PRIM2: variants seen among roughly 807,000 people sequenced by gnomAD.
PRIM2 encodes the protein DNA primase subunit 2.
PRIM2 carries 39 observed loss-of-function variants against 67.3 expected under a neutral mutation model. That is an observed-to-expected ratio of 0.58 (90% CI 0.45 to 0.76). PRIM2 has a LOEUF of 0.76. PRIM2 is among the 30% of genes least tolerant of loss of function. The pLI, the probability that PRIM2 is intolerant of heterozygous loss-of-function variation, is 0.00. For synonymous variants in PRIM2, 143 were observed against 198.7 expected, an observed-to-expected ratio of 0.72 and a Z score of 2.36; for missense variants, 398 against 598.7, an observed-to-expected ratio of 0.66 and a Z score of 3.50.
chr6:57,312,439 C>T (rs1767407632), upstream of PRIM2, among the ~76,000 whole-genome samples: 1 of 151,876 alleles, frequency 6.6e-6, no homozygotes, highest in Non-Finnish European at 1.5e-5. Context: ...GAGGTGGAGG[C>T]TGCAGTGGGC....
chr6:57,399,382 A>G (rs1770629267), intron 7 of PRIM2, among the ~76,000 whole-genome samples: 3 of 152,196 alleles, frequency 2.0e-5, no homozygotes, highest in South Asian at 4.1e-4. Context: ...TTCCTTTTTT[A>G]TGGCTGCAAA....
chr6:57,289,366 G>T, the PRIM2 span, among the ~76,000 whole-genome samples: 1 of 152,190 alleles, frequency 6.6e-6, no homozygotes, highest in African/African-American at 2.4e-5. Context: ...ATGGATCCAA[G>T]TAAGAAAACA....
chr6:57,538,388 C>G (rs1370415363), intron 10 of PRIM2, among the ~76,000 whole-genome samples: 1 of 152,032 alleles, frequency 6.6e-6, no homozygotes, highest in Non-Finnish European at 1.5e-5. Context: ...TTTTAAAAAC[C>G]CTATCTGCAG....
In PRIM2 at chr6:57,638,245, T is replaced by C. The variant is rs1304090177; in HGVS notation, c.1299+6044T>C. Among the ~76,000 whole-genome samples the C allele has an allele frequency of 3.3e-5, 5 of 152,082 alleles. No homozygotes were observed. The East Asian group carries it at 7.7e-4, about 23-fold the overall frequency. On this transcript the variant is annotated intron_variant, in intron 13 of 13. Coordinates refer to ENST00000615550, the MANE Select transcript of PRIM2 (RefSeq NM_000947.5). ...AGGCCTGCCTTACAAGAGCTCCTAA[T>C]GGAGGCACTAAATATGGAAAGGAAC...
the PRIM2 span, among the ~76,000 whole-genome samples, chr6:57,236,212 G>C: frequency 1.3e-5 from 2 of 151,950 alleles, no homozygotes; most frequent in African/African-American, 4.8e-5. Context: ...AGATACCTGG[G>C]AGTCATTCTT....
intron 12 of PRIM2, among the ~76,000 whole-genome samples, chr6:57,616,337 A>G: frequency 6.6e-6 from 1 of 152,180 alleles, no homozygotes; most frequent in South Asian, 2.1e-4. Context: ...ACTGCTCAGA[A>G]CCATAGAACT....
intron 7 of PRIM2, among the ~76,000 whole-genome samples, chr6:57,469,367 A>C (rs1309643218): frequency 2.6e-5 from 4 of 152,236 alleles, no homozygotes; most frequent in Non-Finnish European, 5.9e-5. Flanking sequence ...CAGTATAAAA[A>C]CACTAGTGAA....
In PRIM2 at chr6:57,553,865, A is replaced by C. The variant is rs1197115109; in HGVS notation, c.1020+16240A>C. Among the ~76,000 whole-genome samples, 30 of 152,268 alleles carry C rather than the reference A, an allele frequency of 2.0e-4. No individual in the cohort carries two copies. In the East Asian group the frequency reaches 5.8e-3, roughly 29 times the overall value. ...GTGAGTTCAAGTAGTATGTTTCCAC[A>C]GTTTCTAAATTCTTACTCTAAGGAA... On this transcript the variant is annotated intron_variant, in intron 10 of 13. Transcript: ENST00000615550.
intron 7 of PRIM2, among the ~76,000 whole-genome samples, chr6:57,446,418 C>CTTCTTTTTTTTTTT (rs1772366659): frequency 1.2e-5 from 1 of 83,814 alleles, no homozygotes; most frequent in African/African-American, 4.9e-5. Flanking sequence ...CACGCCACTT[C>CTTCTTTTTTTTTTT]TTTTTTTTTT....
At chr6:57,542,526 G>A (rs1248285388) in intron 10 of PRIM2, among the ~76,000 whole-genome samples, 2 of 151,712 alleles carry the variant, frequency 1.3e-5, no homozygotes, top group Non-Finnish European at 2.9e-5. Context: ...TTTTTAACTT[G>A]TATGTTTAAA....
intron 7 of PRIM2, among the ~76,000 whole-genome samples, chr6:57,428,672 C>T (rs71209176): frequency 6.6e-6 from 1 of 152,020 alleles, no homozygotes; most frequent in East Asian, 1.9e-4. Flanking sequence ...TGCATAACCT[C>T]TAAATATGGT....
At chr6:57,297,304 T>C in the PRIM2 span, among the ~76,000 whole-genome samples, 2 of 151,976 alleles carry the variant, frequency 1.3e-5, no homozygotes, top group African/African-American at 2.4e-5. Flanking sequence ...TAGCCGGGCA[T>C]GGTGGCGGGT....
chr6:57,411,275 A>G (rs1256536125), intron 7 of PRIM2, among the ~76,000 whole-genome samples: 12 of 152,110 alleles, frequency 7.9e-5, no homozygotes, highest in African/African-American at 1.4e-4. Flanking sequence ...CTGTGATCCA[A>G]TTAAACCTCT....
At chr6:57,287,209 AAGGATCTAGAACT>A in the PRIM2 span, among the ~76,000 whole-genome samples, 1 of 152,202 alleles carries the variant, frequency 6.6e-6, no homozygotes, top group Admixed American at 6.5e-5. Flanking sequence ...GCGATTCCTG[AAGGATCTAGAACT>A]AGAAATACCA....
intron 8 of PRIM2, among the ~76,000 whole-genome samples, chr6:57,524,528 C>A (rs1395831578): frequency 6.6e-6 from 1 of 152,018 alleles, no homozygotes; most frequent in Non-Finnish European, 1.5e-5. Flanking sequence ...ATGGAGAAAT[C>A]CCGTCTCTAC....
the PRIM2 span, among the ~76,000 whole-genome samples, chr6:57,223,097 A>G: frequency 6.6e-6 from 1 of 152,246 alleles, no homozygotes; most frequent in African/African-American, 2.4e-5. Context: ...GAGTTCATAT[A>G]ATGAAACACT....
At chr6:57,260,083 T>C in the PRIM2 span, among the ~76,000 whole-genome samples, 56,580 of 152,012 alleles carry the variant, frequency 0.37, 11,315 homozygotes, top group East Asian at 0.78. Flanking sequence ...ATAATTACTC[T>C]ATGAAATCTA....
the PRIM2 span, among the ~76,000 whole-genome samples, chr6:57,309,673 A>G: frequency 6.6e-6 from 1 of 152,162 alleles, no homozygotes; most frequent in Middle Eastern, 3.2e-3. Context: ...TCCTTTGGGT[A>G]TATACCCAGT....
chr6:57,626,292 G>C (rs1776948304), intron 12 of PRIM2, among the ~76,000 whole-genome samples: 1 of 152,204 alleles, frequency 6.6e-6, no homozygotes, highest in Admixed American at 6.5e-5. Flanking sequence ...GGGAGGAAGT[G>C]TGGCTCAAAG....
Sources: allele counts gnomAD v4.1 joint callset (sites outside exome capture counted in the v4.1 genomes callset), GRCh38; gene constraint gnomAD v4.1.1; transcripts MANE v1.5; gene names NCBI Gene and HGNC (gene_info 2026-07-23, HGNC 2026-07-21).